The following ZFYVE28 variants were observed in gnomAD, a reference collection of about 807,000 sequenced individuals.
ZFYVE28 encodes the protein zinc finger FYVE-type containing 28.
ZFYVE28 carries 40 observed loss-of-function variants against 82.1 expected under a neutral mutation model. That is an observed-to-expected ratio of 0.49 (90% confidence interval 0.38 to 0.63). ZFYVE28 has a LOEUF of 0.63. Among genes scored for constraint, ZFYVE28 ranks in the 30% least tolerant of loss-of-function variants. ZFYVE28 has a pLI of 0.00. For synonymous variants in ZFYVE28, 612 were observed against 546.1 expected (o/e 1.12, Z -1.68); for missense variants, 1,321 against 1,242.1 (o/e 1.06, Z -0.96).
At chr4:2,353,857 C>T (rs1724836992) in intron 2 of ZFYVE28, 76 bp downstream of exon 2, 5 of 1,319,524 alleles carry the variant, frequency 3.8e-6, no homozygotes, top group Admixed American at 3.8e-5. Flanking sequence ...GGTGACAAAG[C>T]CTTGGTCTAC....
chr4:2,397,484 A>AT (rs1730606333), intron 1 of ZFYVE28, among the ~76,000 whole-genome samples: 1 of 151,548 alleles, frequency 6.6e-6, no homozygotes, highest in Non-Finnish European at 1.5e-5. Context: ...AAAAAAAAAA[A>AT]AAAAAAAAAT....
At chr4:2,329,258 T>C in intron 6 of ZFYVE28, 1 of 462,206 alleles carries the variant, frequency 2.2e-6, no homozygotes, top group Non-Finnish European at 3.9e-6. Context: ...GAACATGGAA[T>C]GTCTTTCTCT....
rs1211957843 is a variant in ZFYVE28 at position 2,362,715 on chromosome 4, C to A, written c.40-8642G>T. ...CACACTCCTGTGGTCCCAGGCACAGCCGTGCTGCCACACCCACCCCAATGT... is the reference window on the plus strand; with the variant it reads ...CACACTCCTGTGGTCCCAGGCACAGACGTGCTGCCACACCCACCCCAATGT... On this transcript the variant is annotated intron_variant, in intron 1 of 12. Coordinates refer to ENST00000290974, the MANE Select transcript of ZFYVE28 (RefSeq NM_020972.3). The surrounding 1 kb of genome is among the most constrained non-coding windows in gnomAD (Gnocchi z 5.1). Among the ~76,000 whole-genome samples the A allele has an allele frequency of 6.6e-6, 1 of 152,198 alleles. No individual in the cohort carries two copies. The highest frequency in any genetic ancestry group is 2.4e-5 in the African/African-American group (1 of 41,454).
chr4:2,404,521 T>C, intron 1 of ZFYVE28, among the ~76,000 whole-genome samples: 1 of 104,568 alleles, frequency 9.6e-6, no homozygotes, highest in East Asian at 2.7e-4. Context: ...TATTCAGCCA[T>C]AAAAATGAAA....
chr4:2,404,896 G>A (rs1299767356), intron 1 of ZFYVE28, among the ~76,000 whole-genome samples: 1 of 115,774 alleles, frequency 8.6e-6, no homozygotes, highest in East Asian at 2.5e-4. Context: ...GTCTTGCTCT[G>A]TCACCCTTGC....
intron 8 of ZFYVE28, among the ~76,000 whole-genome samples, chr4:2,298,742 G>C (rs368073842): frequency 5.9e-5 from 9 of 152,318 alleles, no homozygotes; most frequent in East Asian, 1.9e-4. Flanking sequence ...CCCGTGGGAC[G>C]GACAGTGACA....
Position 2,417,529 on chromosome 4 carries a change from G to A in ZFYVE28, c.39+756C>T, listed in dbSNP as rs1024202716. ...GAGCCGCACCTCCCGCCCCGCCGAG[G>A]CTGCTGGCCACGGGCGCGCTCGCCC... is the stretch of plus-strand genomic sequence containing the variant. On this transcript the variant is annotated intron_variant, in intron 1 of 12. Transcript: ENST00000290974. This position sits in a 1 kb window ranked among gnomAD's most constrained non-coding sequence, Gnocchi z 4.8. Among the ~76,000 whole-genome samples, 1 of 151,844 alleles carries A rather than the reference G, an allele frequency of 6.6e-6. No homozygotes were observed. Among genetic ancestry groups the A allele is most frequent in the South Asian group, 2.1e-4 (1 of 4,826 alleles).
chr4:2,334,074 T>C (rs982321732), intron 6 of ZFYVE28, among the ~76,000 whole-genome samples: 2 of 152,164 alleles, frequency 1.3e-5, no homozygotes, highest in African/African-American at 4.8e-5. Flanking sequence ...TCCCTGAGTC[T>C]AACGGCAGGA....
chr4:2,364,362 G>T, intron 1 of ZFYVE28: 1 of 851,214 alleles, frequency 1.2e-6, no homozygotes, highest in Non-Finnish European at 1.4e-6. Flanking sequence ...TGTGGGGCCA[G>T]CCAGGCCACT....
Position 2,372,493 on chromosome 4 carries a change from C to T in ZFYVE28, c.40-18420G>A, listed in dbSNP as rs1157948030. 2.6e-5 allele frequency among the ~76,000 whole-genome samples: 4 copies of T among 152,210 alleles called. No homozygotes were observed. The highest frequency in any genetic ancestry group is 2.0e-4 in the Admixed American group (3 of 15,304). On this transcript the variant is annotated intron_variant, in intron 1 of 12. Coordinates refer to ENST00000290974, the MANE Select transcript of ZFYVE28 (RefSeq NM_020972.3). This position sits in a 1 kb window ranked among gnomAD's most constrained non-coding sequence, Gnocchi z 5.2. ...CACCCGATTCGGGTCTCTGCCTGGACGTCACCATCATCGAGGCCTCCTAGC... is the reference window on the plus strand; with the variant it reads ...CACCCGATTCGGGTCTCTGCCTGGATGTCACCATCATCGAGGCCTCCTAGC...
At position 2,418,273 on chromosome 4, in the gene ZFYVE28, G is replaced by A. The variant is rs778636148; in HGVS notation, c.39+12C>T. 3.9e-6 allele frequency: 6 copies of A among 1,536,854 alleles called. No individual in the cohort carries two copies. The highest frequency in any genetic ancestry group is 1.4e-5 in the African/African-American group (1 of 71,686). On this transcript the variant is annotated intron_variant, in intron 1 of 12. Coordinates refer to ENST00000290974, the MANE Select transcript of ZFYVE28 (RefSeq NM_020972.3). This position sits in a 1 kb window ranked among gnomAD's most constrained non-coding sequence, Gnocchi z 4.6. ...GACGCGGGGGGCGTCCGGCCCGAGC[G>A]GGGCCGCTCACCTTGGGTTTGTAGA...
chr4:2,344,300 G>A (rs148348071), intron 2 of ZFYVE28, among the ~76,000 whole-genome samples: 766 of 152,318 alleles, frequency 5.0e-3, no homozygotes, highest in Non-Finnish European at 8.6e-3. Flanking sequence ...CAGGAAAGAC[G>A]CACCTGAATG....
At chr4:2,374,209 C>T (rs928762078) in intron 1 of ZFYVE28, among the ~76,000 whole-genome samples, 2 of 152,170 alleles carry the variant, frequency 1.3e-5, no homozygotes, top group African/African-American at 2.4e-5. Flanking sequence ...TGCAAGTACA[C>T]GGAAAAAACC....
intron 6 of ZFYVE28, among the ~76,000 whole-genome samples, chr4:2,329,639 T>A (rs867017168): frequency 1.3e-5 from 2 of 152,214 alleles, no homozygotes; most frequent in Non-Finnish European, 2.9e-5. Flanking sequence ...TAAAGAAGAA[T>A]GTTTATTGCT....
At position 2,339,157 on chromosome 4, in the gene ZFYVE28, G is replaced by A. The variant is rs370221275; in HGVS notation, c.521+296C>T. 7.9e-5 allele frequency among the ~76,000 whole-genome samples: 12 copies of A among 152,194 alleles called. No individual in the cohort carries two copies. The highest frequency in any genetic ancestry group is 1.7e-4 in the African/African-American group (7 of 41,510). Reference sequence around the variant, plus strand: ...CACCTGTGACGTCTCTTCATCTTCCGAGGCATCATGCATGTCTGGCCCCTC... The same window carrying A: ...CACCTGTGACGTCTCTTCATCTTCCAAGGCATCATGCATGTCTGGCCCCTC... On this transcript the variant is annotated intron_variant, in intron 4 of 12. Coordinates refer to ENST00000290974, the MANE Select transcript of ZFYVE28 (RefSeq NM_020972.3). This position sits in a 1 kb window ranked among gnomAD's most constrained non-coding sequence, Gnocchi z 5.0.
rs185458251 is a variant in ZFYVE28 at position 2,415,770 on chromosome 4, C to G, written c.39+2515G>C. ...TCAATTCATAATCCAAGGCAAGAATCTGAGCTTTGGTTTGAAAAATGAAAA... is the reference window on the plus strand; with the variant it reads ...TCAATTCATAATCCAAGGCAAGAATGTGAGCTTTGGTTTGAAAAATGAAAA... On this transcript the variant is annotated intron_variant, in intron 1 of 12. Transcript: ENST00000290974. Among the ~76,000 whole-genome samples, 12 of 152,280 alleles carry G rather than the reference C, an allele frequency of 7.9e-5. No homozygotes were observed. The East Asian group carries it at 2.3e-3, about 29-fold the overall frequency.
chr4:2,407,269 C>A (rs751237078), intron 1 of ZFYVE28, among the ~76,000 whole-genome samples: 3 of 152,140 alleles, frequency 2.0e-5, no homozygotes, highest in African/African-American at 2.4e-5. Flanking sequence ...CTCTCCTCCA[C>A]GAACGACAGC....
intron 1 of ZFYVE28, among the ~76,000 whole-genome samples, chr4:2,401,030 T>C (rs1300281109): frequency 6.6e-6 from 1 of 152,122 alleles, no homozygotes; most frequent in African/African-American, 2.4e-5. Flanking sequence ...GGACTGGAGG[T>C]GGCAGACGTC....
At chr4:2,402,368 C>T (rs571454489) in intron 1 of ZFYVE28, among the ~76,000 whole-genome samples, 6 of 152,342 alleles carry the variant, frequency 3.9e-5, no homozygotes, top group South Asian at 2.1e-4. Flanking sequence ...CCGCCCCGCC[C>T]GCTGCAGGAG....
Sources: gnomAD v4.1 joint callset for allele counts (sites outside exome capture counted in the v4.1 genomes callset) on GRCh38, gnomAD v4.1.1 for gene constraint, Gnocchi (gnomAD v3.1) non-coding constraint, MANE v1.5 for transcripts, NCBI Gene and HGNC (gene_info 2026-07-23, HGNC 2026-07-21) for gene names.